PIK3C2G: variants seen among roughly 807,000 people sequenced by gnomAD.
PIK3C2G encodes the protein phosphatidylinositol-4-phosphate 3-kinase catalytic subunit type 2 gamma.
In PIK3C2G, 168 loss-of-function variants were observed where a neutral mutation model predicts 181.1. The ratio of observed to expected loss-of-function variants is 0.93; its 90% confidence interval spans 0.82 to 1.05. PIK3C2G has a LOEUF of 1.05. PIK3C2G is among the 50% of genes least tolerant of loss of function. PIK3C2G has a pLI of 0.00. For missense variants in PIK3C2G, 1,869 were observed against 1,732.8 expected (o/e 1.08, Z -1.40); for synonymous variants, 573 against 592.2 (o/e 0.97, Z 0.47).
At chr12:18,676,205 C>A in the PIK3C2G span, among the ~76,000 whole-genome samples, 6 of 152,040 alleles carry the variant, frequency 3.9e-5, no homozygotes, top group Admixed American at 1.3e-4. Context: ...AGAAAGAAAC[C>A]AGGTCCTAAT....
the PIK3C2G span, among the ~76,000 whole-genome samples, chr12:18,695,914 T>C: frequency 1.3e-5 from 2 of 151,942 alleles, no homozygotes; most frequent in East Asian, 3.9e-4. Flanking sequence ...TCATATTAAC[T>C]CCTCGTGAAT....
chr12:18,292,227 A>AATATAT (rs1555149102), intron 4 of PIK3C2G, among the ~76,000 whole-genome samples: 1,334 of 48,210 alleles, frequency 0.028, 55 homozygotes, highest in Non-Finnish European at 0.034. Context: ...AAAAAAAAAA[A>AATATAT]ATATATATAT....
At chr12:18,704,658 G>A in the PIK3C2G span, among the ~76,000 whole-genome samples, 1 of 152,058 alleles carries the variant, frequency 6.6e-6, no homozygotes, top group East Asian at 1.9e-4. Context: ...GACAGCCAGA[G>A]AGAGAAGTGA....
chr12:18,694,684 C>G, the PIK3C2G span, among the ~76,000 whole-genome samples: 2 of 152,006 alleles, frequency 1.3e-5, no homozygotes, highest in African/African-American at 4.8e-5. Flanking sequence ...AGGTTTTAGC[C>G]TCAATATGTC....
chr12:18,276,802 A>G (rs1949005193), intron 1 of PIK3C2G, among the ~76,000 whole-genome samples: 1 of 152,190 alleles, frequency 6.6e-6, no homozygotes, highest in African/African-American at 2.4e-5. Flanking sequence ...AAATGTGCAA[A>G]TGAGTAATAG....
chr12:18,719,619 G>T, the PIK3C2G span: 2 of 1,599,656 alleles, frequency 1.3e-6, no homozygotes, highest in Admixed American at 1.7e-5. Flanking sequence ...ATGACATTTG[G>T]TGTGCTTTCC....
At chr12:18,722,622 T>C in the PIK3C2G span, among the ~76,000 whole-genome samples, 1 of 152,064 alleles carries the variant, frequency 6.6e-6, no homozygotes, top group African/African-American at 2.4e-5. Context: ...TATTGTATTA[T>C]GTGTTTATAA....
chr12:18,468,392 A>G (rs1487174815), intron 18 of PIK3C2G, among the ~76,000 whole-genome samples: 1 of 151,980 alleles, frequency 6.6e-6, no homozygotes, highest in African/African-American at 2.4e-5. Flanking sequence ...TACTCCTGAC[A>G]TACTCTATTC....
At chr12:18,351,876 C>T (rs181468943) in intron 11 of PIK3C2G, among the ~76,000 whole-genome samples, 3 of 152,280 alleles carry the variant, frequency 2.0e-5, no homozygotes, top group South Asian at 2.1e-4. Context: ...GTCTTCAAGA[C>T]AGTAACATAC....
chr12:18,709,802 A>G, the PIK3C2G span, among the ~76,000 whole-genome samples: 5 of 152,092 alleles, frequency 3.3e-5, no homozygotes, highest in Non-Finnish European at 7.4e-5. Context: ...GGAGTATAGG[A>G]TATCTTTTCA....
chr12:18,544,409 G>C (rs2136265508), intron 25 of PIK3C2G, among the ~76,000 whole-genome samples: 1 of 151,894 alleles, frequency 6.6e-6, no homozygotes, highest in East Asian at 1.9e-4. Context: ...GCAGATAACA[G>C]AGTTTATGTA....
the PIK3C2G span, among the ~76,000 whole-genome samples, chr12:18,696,543 T>G: frequency 6.6e-6 from 1 of 151,644 alleles, no homozygotes; most frequent in Non-Finnish European, 1.5e-5. Flanking sequence ...ATTAGATAAT[T>G]TATATATTTT....
Position 18,506,037 on chromosome 12 carries a change from C to T in PIK3C2G, c.3323+576C>T, listed in dbSNP as rs142930866. 6.2e-3 allele frequency among the ~76,000 whole-genome samples: 947 copies of T among 152,200 alleles called. 8 individuals are homozygous for T. The highest frequency in any genetic ancestry group is 0.022 in the African/African-American group (922 of 41,520). On this transcript the variant is annotated intron_variant, in intron 24 of 32. Transcript: ENST00000538779. Reference sequence around the variant, plus strand: ...GAAAATGAGAAGTTATTTTAGAAAACTAAGGCAGAGAAATGGAATAGAAAG... The same window carrying T: ...GAAAATGAGAAGTTATTTTAGAAAATTAAGGCAGAGAAATGGAATAGAAAG...
intron 11 of PIK3C2G, among the ~76,000 whole-genome samples, chr12:18,349,196 A>T (rs1437391529): frequency 1.3e-5 from 2 of 152,148 alleles, no homozygotes; most frequent in African/African-American, 4.8e-5. Context: ...GTGGGAAAGC[A>T]TGATACAAGG....
chr12:18,348,869 T>C (rs1020799506), intron 11 of PIK3C2G, among the ~76,000 whole-genome samples: 3 of 152,136 alleles, frequency 2.0e-5, no homozygotes, highest in African/African-American at 7.2e-5. Flanking sequence ...AGGTTTCCCA[T>C]GAGTTGCAGT....
At chr12:18,322,500 GTTA>G (rs1951157486) in intron 7 of PIK3C2G, among the ~76,000 whole-genome samples, 1 of 151,860 alleles carries the variant, frequency 6.6e-6, no homozygotes, top group Non-Finnish European at 1.5e-5. Flanking sequence ...ATTTTGTGAA[GTTA>G]TTATATATTT....
intron 29 of PIK3C2G, among the ~76,000 whole-genome samples, chr12:18,577,907 C>T (rs925955426): frequency 2.0e-5 from 3 of 152,148 alleles, no homozygotes; most frequent in East Asian, 1.9e-4. Flanking sequence ...GGAGCCTCGG[C>T]GTATTAGCTG....
chr12:18,245,656 T>C (rs1337390574), upstream of PIK3C2G, among the ~76,000 whole-genome samples: 1 of 152,126 alleles, frequency 6.6e-6, no homozygotes, highest in Non-Finnish European at 1.5e-5. Flanking sequence ...TTGCTAGTCG[T>C]TATACATTCA....
the PIK3C2G span, among the ~76,000 whole-genome samples, chr12:18,725,522 T>C: frequency 1.1e-4 from 17 of 152,076 alleles, no homozygotes; most frequent in African/African-American, 3.9e-4. Flanking sequence ...ATTAACAGTA[T>C]ATATGCAGAA....
Sources: gnomAD v4.1 joint callset for allele counts (sites outside exome capture counted in the v4.1 genomes callset) on GRCh38, gnomAD v4.1.1 for gene constraint, MANE v1.5 for transcripts, NCBI Gene and HGNC (gene_info 2026-07-23, HGNC 2026-07-21) for gene names.